Variants in SESN1 observed in about 807,000 individuals in gnomAD.
SESN1 encodes the protein sestrin 1.
A neutral mutation model predicts 59.3 loss-of-function variants in SESN1; 30 were observed. The observed-to-expected ratio is 0.51, with a 90% CI of 0.38 to 0.69. The LOEUF (loss-of-function observed/expected upper bound fraction) is 0.69. Among genes scored for constraint, SESN1 ranks in the 30% least tolerant of loss-of-function variants. The pLI, the probability that SESN1 is intolerant of heterozygous loss-of-function variation, is 0.00. For synonymous variants in SESN1, 197 were observed against 219.9 expected, an observed-to-expected ratio of 0.90 and a Z score of 0.92; for missense variants, 566 against 673.0, an observed-to-expected ratio of 0.84 and a Z score of 1.76.
At chr6:109,069,434 G>A (rs1780892771) in intron 1 of SESN1, among the ~76,000 whole-genome samples, 1 of 152,130 alleles carries the variant, frequency 6.6e-6, no homozygotes, top group Non-Finnish European at 1.5e-5. Flanking sequence ...TCACAGTTAT[G>A]AGAGAAAATG....
intron 1 of SESN1, among the ~76,000 whole-genome samples, chr6:109,032,994 A>G (rs1177546896): frequency 6.6e-6 from 1 of 152,208 alleles, no homozygotes; most frequent in Non-Finnish European, 1.5e-5. Flanking sequence ...TTCCAGCCCT[A>G]AGGAACCTTA....
chr6:109,048,292 AAT>A (rs1481786080), intron 1 of SESN1, among the ~76,000 whole-genome samples: 2 of 152,152 alleles, frequency 1.3e-5, no homozygotes, highest in African/African-American at 2.4e-5. Flanking sequence ...ACCACAGGTG[AAT>A]AGTTTGAGGA....
intron 1 of SESN1, among the ~76,000 whole-genome samples, chr6:109,081,939 A>G (rs953779093): frequency 2.6e-5 from 4 of 152,220 alleles, no homozygotes; most frequent in African/African-American, 9.6e-5. Context: ...CCGTCAAGGA[A>G]AGAAACTTCT....
chr6:109,081,506 G>C (rs1781121609), intron 1 of SESN1, among the ~76,000 whole-genome samples: 2 of 152,320 alleles, frequency 1.3e-5, no homozygotes, highest in South Asian at 4.1e-4. Context: ...ATGTTGGGAA[G>C]GTTGAATGAA....
rs184836805 is a variant in SESN1 at position 109,083,324 on chromosome 6, T to C, written c.279+10471A>G. Among the ~76,000 whole-genome samples the C allele has an allele frequency of 1.7e-3, 253 of 152,314 alleles. 2 individuals carry two copies. Among genetic ancestry groups the C allele is most frequent in the Non-Finnish European group, 2.6e-3 (174 of 68,008 alleles). Reference sequence around the variant, plus strand: ...TAGAATAGATGGTTAGGAAATAAAGTAAATCAGAAATAAAAAGTTTCTTTT... The same window carrying C: ...TAGAATAGATGGTTAGGAAATAAAGCAAATCAGAAATAAAAAGTTTCTTTT... On this transcript the variant is annotated intron_variant, in intron 1 of 9. Coordinates refer to ENST00000436639, the MANE Select transcript of SESN1 (RefSeq NM_014454.3).
At chr6:109,081,822 T>C (rs1324149568) in intron 1 of SESN1, among the ~76,000 whole-genome samples, 1 of 152,216 alleles carries the variant, frequency 6.6e-6, no homozygotes, top group Non-Finnish European at 1.5e-5. Flanking sequence ...TCAGGCTGTC[T>C]GATACAGAAA....
intron 1 of SESN1, among the ~76,000 whole-genome samples, chr6:109,080,879 AC>A (rs1468386113): frequency 1.3e-5 from 2 of 152,208 alleles, no homozygotes; most frequent in Non-Finnish European, 2.9e-5. Context: ...ACACACAAGT[AC>A]TTAATACAGA....
At chr6:109,088,119 G>A (rs1781245729) in intron 1 of SESN1, 1 of 152,126 alleles carries the variant, frequency 6.6e-6, no homozygotes, top group Non-Finnish European at 1.5e-5. Context: ...GGGTTTCTGG[G>A]AAAGGTTTTC....
At chr6:109,071,682 A>G (rs928933376) in intron 1 of SESN1, among the ~76,000 whole-genome samples, 11 of 152,140 alleles carry the variant, frequency 7.2e-5, no homozygotes, top group Non-Finnish European at 1.6e-4. Context: ...CCAGTTTAAG[A>G]CCAGCATCAT....
Position 109,094,430 on chromosome 6 carries a change from C to T in SESN1, c.-357G>A, listed in dbSNP as rs543224599. 3.9e-6 allele frequency: 1 copy of T among 259,734 alleles called. No individual in the cohort carries two copies. The highest frequency in any genetic ancestry group is 9.4e-5 in the East Asian group (1 of 10,610). The allele number at this position is 259,734 out of a possible 1,614,324, so 16.1% of individuals were successfully genotyped here. A position where few individuals can be genotyped will look rare whatever the true frequency, so the allele number is the denominator to read the frequency against. ...GTTGTGGAGCTGTCAAATCCGTGCT[C>T]TGCCCCAAAAGGCTGTTAACAGCTG... On this transcript the variant is annotated 5_prime_UTR_variant, in exon 1 of 10. Transcript: ENST00000436639.
At chr6:109,000,742 A>G (rs1779603276) in intron 3 of SESN1, 69 bp from the exon 4 acceptor site, 7 of 1,238,394 alleles carry the variant, frequency 5.7e-6, no homozygotes, top group Non-Finnish European at 7.3e-6. Context: ...TTTATTTACA[A>G]CATGCAAAAG....
At chr6:109,009,494 C>T (rs988254874) in intron 1 of SESN1, 73 of 1,227,224 alleles carry the variant, frequency 5.9e-5, no homozygotes, top group Admixed American at 8.7e-5. Context: ...CGCGCGGAGG[C>T]GGCGAGCGCT....
chr6:109,088,083 T>C (rs1176429988), intron 1 of SESN1: 8 of 152,086 alleles, frequency 5.3e-5, no homozygotes, highest in East Asian at 1.9e-4. Flanking sequence ...TCCCAGTCAA[T>C]AGAAACTGAG....
At chr6:109,080,684 T>C (rs892159020) in intron 1 of SESN1, among the ~76,000 whole-genome samples, 5 of 152,186 alleles carry the variant, frequency 3.3e-5, no homozygotes, top group African/African-American at 1.2e-4. Flanking sequence ...TAACGTTAAA[T>C]TTTTATTCAG....
chr6:109,012,765 A>C (rs1779880865), intron 1 of SESN1, among the ~76,000 whole-genome samples: 1 of 152,180 alleles, frequency 6.6e-6, no homozygotes, highest in South Asian at 2.1e-4. Context: ...GAATACAGGA[A>C]GCTCAATGGG....
chr6:109,060,114 C>T (rs2114453533), intron 1 of SESN1, among the ~76,000 whole-genome samples: 1 of 152,150 alleles, frequency 6.6e-6, no homozygotes, highest in Non-Finnish European at 1.5e-5. Flanking sequence ...CACATGTGTA[C>T]ACACACGTAC....
chr6:108,997,346 A>G (rs563053763), intron 5 of SESN1, among the ~76,000 whole-genome samples: 2 of 152,306 alleles, frequency 1.3e-5, no homozygotes, highest in Admixed American at 1.3e-4. Flanking sequence ...TAGCAACTGA[A>G]TACTCTCTTG....
At chr6:109,014,537 C>T (rs1583272957) in intron 1 of SESN1, among the ~76,000 whole-genome samples, 2 of 152,244 alleles carry the variant, frequency 1.3e-5, no homozygotes, top group Middle Eastern at 6.8e-3. Flanking sequence ...TGTGTATTCA[C>T]CTAAGTTCTT....
chr6:109,038,390 G>C (rs1780279277), intron 1 of SESN1, among the ~76,000 whole-genome samples: 1 of 152,222 alleles, frequency 6.6e-6, no homozygotes, highest in African/African-American at 2.4e-5. Flanking sequence ...TACTTGGGAG[G>C]CTCAGGCAGG....
Sources: allele counts gnomAD v4.1 joint callset (sites outside exome capture counted in the v4.1 genomes callset), GRCh38; gene constraint gnomAD v4.1.1; transcripts MANE v1.5; gene names NCBI Gene and HGNC (gene_info 2026-07-23, HGNC 2026-07-21).